ZNF662: variants seen among roughly 807,000 people sequenced by gnomAD.
ZNF662 encodes zinc finger protein 662.
In ZNF662, 14 loss-of-function variants were observed where a neutral mutation model predicts 12.4. The observed-to-expected ratio is 1.13, with a 90% CI of 0.75 to 1.77. The LOEUF is 1.77. Among genes scored for constraint, ZNF662 ranks in the 40% most tolerant of loss-of-function variants. The pLI, the probability that ZNF662 is intolerant of heterozygous loss-of-function variation, is 0.00. For missense variants in ZNF662, 550 were observed against 515.6 expected (o/e 1.07, Z -0.65); for synonymous variants, 184 against 176.4 (o/e 1.04, Z -0.34).
At chr3:42,912,412 T>G (rs1456184187) in intron 3 of ZNF662, among the ~76,000 whole-genome samples, 49 of 98,196 alleles carry the variant, frequency 5.0e-4, no homozygotes, top group African/African-American at 2.0e-3. Context: ...TATTATATAT[T>G]ATATATATTA....
intron 3 of ZNF662, among the ~76,000 whole-genome samples, chr3:42,911,249 G>A (rs1022145370): frequency 5.9e-5 from 9 of 152,134 alleles, no homozygotes; most frequent in Non-Finnish European, 1.3e-4. Context: ...CTCTCATGTA[G>A]TGAGTGGGAT....
rs1365124067 is a variant in ZNF662 at position 42,914,576 on chromosome 3, A to G, written c.503A>G (p.Glu168Gly). 2 of 1,614,204 alleles carry G rather than the reference A, an allele frequency of 1.2e-6. No homozygotes were observed. Among genetic ancestry groups the G allele is most frequent in the Admixed American group, 1.7e-5 (1 of 60,028 alleles). ...IVKDEMISVE[E>G]SSGNTDVNNL... Reference sequence around the variant, plus strand: ...AAGGATGAGATGATCTCAGTAGAAGAGAGTTCAGGGAATACTGATGTCAAT... The same window carrying G: ...AAGGATGAGATGATCTCAGTAGAAGGGAGTTCAGGGAATACTGATGTCAAT... Residue 168 changes from glutamate to glycine, a missense_variant, in exon 5 of 5, where the codon GAG becomes GGG. Coordinates refer to ENST00000440367, the MANE Select transcript of ZNF662 (RefSeq NM_207404.4).
rs989197714 is a variant in ZNF662, at chr3:42,918,455, G to C, written c.*3101G>C. Among the ~76,000 whole-genome samples, 1 of 152,136 alleles carries C rather than the reference G, an allele frequency of 6.6e-6. No individual in the cohort carries two copies. Among genetic ancestry groups the C allele is most frequent in the Admixed American group, 6.5e-5 (1 of 15,274 alleles). ...CTGGTGGCTACACCCCGTTCTCCCA[G>C]TGTGCAGGCAGGCCCTTAGTCTGAG... On this transcript the variant is annotated 3_prime_UTR_variant, in exon 5 of 5. Transcript: ENST00000440367.
chr3:42,915,393 C>T lies in ZNF662; in HGVS notation c.*39C>T. 4.0e-6 allele frequency: 6 copies of T among 1,508,534 alleles called. No individual in the cohort carries two copies. The highest frequency in any genetic ancestry group is 5.3e-6 in the Non-Finnish European group (6 of 1,126,936). 93.4% of individuals were successfully genotyped at this position (1,508,534 alleles called of 1,614,324 possible). A position where few individuals can be genotyped will look rare whatever the true frequency, so the allele number is the denominator to read the frequency against. On this transcript the variant is annotated 3_prime_UTR_variant, in exon 5 of 5. Coordinates refer to ENST00000440367, the MANE Select transcript of ZNF662 (RefSeq NM_207404.4). ...GTGATACTTGTTTATAATTCTTATG[C>T]TGCAGGAACCCTAGAGACAAAATGA...
In ZNF662 at chr3:42,909,387, G is replaced by T. The variant is rs995209513; in HGVS notation, c.151+478G>T. On this transcript the variant is annotated intron_variant, in intron 3 of 4. Transcript: ENST00000440367. ...CAGAGAGCACGGGGTTGGGGGTAAG[G>T]TTATAGATTAACAGCATCCCAAGGC... is the stretch of plus-strand genomic sequence containing the variant. Among the ~76,000 whole-genome samples, 4 of 152,096 alleles carry T rather than the reference G, an allele frequency of 2.6e-5. No individual in the cohort carries two copies. In the East Asian group the frequency reaches 7.7e-4, roughly 29 times the overall value.
rs1013573044 is a variant in ZNF662 at position 42,915,580 on chromosome 3, C to A, written c.*226C>A. 2.1e-5 allele frequency: 10 copies of A among 484,900 alleles called. No homozygotes were observed. Among genetic ancestry groups the A allele is most frequent in the Admixed American group, 3.8e-5 (1 of 26,312 alleles). 30.0% of individuals were successfully genotyped at this position (484,900 alleles called of 1,614,324 possible). On this transcript the variant is annotated 3_prime_UTR_variant, in exon 5 of 5. Transcript: ENST00000440367. The stretch of plus-strand genomic sequence containing the variant: ...GCAGCTACTCTGTATCAGGTGCTAA[C>A]CACTTTACATACATTAATTTGCATA...
chr3:42,913,192 C>T lies in ZNF662; in HGVS notation c.152-9C>T. On this transcript the variant is annotated splice_polypyrimidine_tract_variant and intron_variant, in intron 3 of 4. Transcript: ENST00000440367. ...TGAGTCAGCCTTATTTGTATCTTGA[C>T]CCTGGCAGGATATCCATTTCTAAAG... is the stretch of plus-strand genomic sequence containing the variant. 6.2e-7 allele frequency: 1 copy of T among 1,609,132 alleles called. No homozygotes were observed. Among genetic ancestry groups the T allele is most frequent in the Non-Finnish European group, 8.5e-7 (1 of 1,175,628 alleles).
rs1559381557 is a variant in ZNF662, at chr3:42,912,680, TAAATATATATA to T, written c.152-520_152-510del. 1.1e-3 allele frequency among the ~76,000 whole-genome samples: 24 copies of T among 22,652 alleles called. 1 individual carries two copies. The highest frequency in any genetic ancestry group is 2.3e-3 in the African/African-American group (24 of 10,344). 14.9% of individuals were successfully genotyped at this position (22,652 alleles called of 152,430 possible). Reference sequence around the variant, plus strand: ...TATATATATATATTTTTTATATATATAAATATATATATATTTTATATATATAAATATATATA... The same window carrying T: ...TATATATATATATTTTTTATATATATTATTTTATATATATAAATATATATA... On this transcript the variant is annotated intron_variant, in intron 3 of 4. Transcript: ENST00000440367.
At chr3:42,912,622 AATAT>A (rs2088822963) in intron 3 of ZNF662, among the ~76,000 whole-genome samples, 2 of 84,056 alleles carry the variant, frequency 2.4e-5, no homozygotes, top group South Asian at 6.4e-4. Context: ...TTTTCTATAA[AATAT>A]ATATTTATAT....
chr3:42,906,147 C>G lies in ZNF662; in HGVS notation c.-115C>G, dbSNP rs1299826007. The G allele has an allele frequency of 1.9e-6, 1 of 526,662 alleles. No individual in the cohort carries two copies. The highest frequency in any genetic ancestry group is 3.5e-5 in the East Asian group (1 of 28,254). The allele number at this position is 526,662 out of a possible 1,614,324, so 32.6% of individuals were successfully genotyped here. On this transcript the variant is annotated 5_prime_UTR_variant, in exon 1 of 5. Coordinates refer to ENST00000440367, the MANE Select transcript of ZNF662 (RefSeq NM_207404.4). This position sits in a 1 kb window ranked among gnomAD's most constrained non-coding sequence, Gnocchi z 4.4. ...ACCGGAGCGGCCCGAGCCCCGGCCTCCCGGATGCTGGGGCCTGGCGGGTGT... is the reference window on the plus strand; with the variant it reads ...ACCGGAGCGGCCCGAGCCCCGGCCTGCCGGATGCTGGGGCCTGGCGGGTGT...
chr3:42,908,886 A>G lies in ZNF662; in HGVS notation c.128A>G (p.Glu43Gly). ...GTTCCTCGGGGAGCTCTGGATGGAG[A>G]GGCCCCAAGGGGCATCTCCTCAGGT... Reference protein sequence around the residue: ...CSVPRGALDGEAPRGISSGYP... With the variant: ...CSVPRGALDGGAPRGISSGYP... Residue 43 changes from glutamate to glycine, a missense_variant, in exon 3 of 5, where the codon GAG (glutamate) becomes GGG (glycine). Coordinates refer to ENST00000440367, the MANE Select transcript of ZNF662 (RefSeq NM_207404.4). 1 of 1,613,946 alleles carries G rather than the reference A, an allele frequency of 6.2e-7. No homozygotes were observed. Among genetic ancestry groups the G allele is most frequent in the African/African-American group, 1.3e-5 (1 of 75,032 alleles).
At position 42,906,493 on chromosome 3, in the gene ZNF662, A is replaced by T; in HGVS notation, c.-94+325A>T. 1 of 1,370,330 alleles carries T rather than the reference A, an allele frequency of 7.3e-7. No individual in the cohort carries two copies. The highest frequency in any genetic ancestry group is 9.4e-7 in the Non-Finnish European group (1 of 1,059,362). The allele number at this position is 1,370,330 out of a possible 1,614,324, so 84.9% of individuals were successfully genotyped here. Reference sequence around the variant, plus strand: ...CAGTCTTGGCCCTGCCCTGGGTTCTAGGCCCGGAGACGGGGTGGTGCGGCG... The same window carrying T: ...CAGTCTTGGCCCTGCCCTGGGTTCTTGGCCCGGAGACGGGGTGGTGCGGCG... On this transcript the variant is annotated intron_variant, in intron 1 of 4. Transcript: ENST00000440367. This position sits in a 1 kb window ranked among gnomAD's most constrained non-coding sequence, Gnocchi z 4.4.
Position 42,906,498 on chromosome 3 carries a change from C to T in ZNF662, c.-94+330C>T. 3 of 1,354,718 alleles carry T rather than the reference C, an allele frequency of 2.2e-6. No homozygotes were observed. The highest frequency in any genetic ancestry group is 2.9e-6 in the Non-Finnish European group (3 of 1,046,718). The allele number at this position is 1,354,718 out of a possible 1,614,324, so 83.9% of individuals were successfully genotyped here. On this transcript the variant is annotated intron_variant, in intron 1 of 4. Coordinates refer to ENST00000440367, the MANE Select transcript of ZNF662 (RefSeq NM_207404.4). This position sits in a 1 kb window ranked among gnomAD's most constrained non-coding sequence, Gnocchi z 4.4. ...TTGGCCCTGCCCTGGGTTCTAGGCC[C>T]GGAGACGGGGTGGTGCGGCGGCTGG... is the stretch of plus-strand genomic sequence containing the variant.
chr3:42,912,717 TA>T (rs1474263980), intron 3 of ZNF662, among the ~76,000 whole-genome samples: 37 of 98,434 alleles, frequency 3.8e-4, no homozygotes, highest in African/African-American at 1.3e-3. Flanking sequence ...AATATATATA[TA>T]TATTTTTTAT....
Position 42,915,495 on chromosome 3 carries a change from T to A in ZNF662, c.*141T>A. The A allele has an allele frequency of 1.4e-6, 1 of 720,626 alleles. No individual in the cohort carries two copies. Among genetic ancestry groups the A allele is most frequent in the Non-Finnish European group, 2.2e-6 (1 of 448,918 alleles). The allele number at this position is 720,626 out of a possible 1,614,324, so 44.6% of individuals were successfully genotyped here. Reference sequence around the variant, plus strand: ...CTTGCCCTTTTGAACATTTACCATGTACTCTAGCAAGACTGGTCCCTCTGT... The same window carrying A: ...CTTGCCCTTTTGAACATTTACCATGAACTCTAGCAAGACTGGTCCCTCTGT... On this transcript the variant is annotated 3_prime_UTR_variant, in exon 5 of 5. Transcript: ENST00000440367.
rs2088921675 is a variant in ZNF662, at chr3:42,918,846, ACAAT to A, written c.*3496_*3499del. ...AAGAGACAAACCAGGTTATTAGAAGACAATCAAAATGAAACAAAGCGGGGATGGT... is the reference window on the plus strand; with the variant it reads ...AAGAGACAAACCAGGTTATTAGAAGACAAAATGAAACAAAGCGGGGATGGT... On this transcript the variant is annotated 3_prime_UTR_variant, in exon 5 of 5. Coordinates refer to ENST00000440367, the MANE Select transcript of ZNF662 (RefSeq NM_207404.4). Among the ~76,000 whole-genome samples, 2 of 152,288 alleles carry A rather than the reference ACAAT, an allele frequency of 1.3e-5. No homozygotes were observed. The highest frequency in any genetic ancestry group is 4.1e-4 in the South Asian group (2 of 4,830).
intron 3 of ZNF662, among the ~76,000 whole-genome samples, chr3:42,912,453 ATTATATG>A (rs1322600281): frequency 2.3e-4 from 20 of 86,450 alleles, no homozygotes; most frequent in Admixed American, 6.3e-4. Flanking sequence ...TATATTATAT[ATTATATG>A]TTATAATATA....
At position 42,912,402 on chromosome 3, in the gene ZNF662, T is replaced by TA. The variant is rs2088811281; in HGVS notation, c.152-798dup. 4.0e-5 allele frequency among the ~76,000 whole-genome samples: 4 copies of TA among 98,986 alleles called. No individual in the cohort carries two copies. In the South Asian group the frequency reaches 1.1e-3, roughly 28 times the overall value. 64.9% of individuals were successfully genotyped at this position (98,986 alleles called of 152,430 possible). On this transcript the variant is annotated intron_variant, in intron 3 of 4. Transcript: ENST00000440367. ...TAAATATATATAATATATATTTATA[T>TA]ATTATATATTATATATATTAATATA... is the stretch of plus-strand genomic sequence containing the variant.
chr3:42,907,560 C>T (rs1204656933), intron 1 of ZNF662: 9 of 514,236 alleles, frequency 1.8e-5, no homozygotes, highest in Non-Finnish European at 2.3e-5. Flanking sequence ...AAGTTAATCC[C>T]TCCGAGTCTC....
Sources: gnomAD v4.1 joint callset for allele counts (sites outside exome capture counted in the v4.1 genomes callset) on GRCh38, gnomAD v4.1.1 for gene constraint, Gnocchi (gnomAD v3.1) non-coding constraint, MANE v1.5 for transcripts, NCBI Gene and HGNC (gene_info 2026-07-23, HGNC 2026-07-21) for gene names.